Variants in PPP4R2 observed in about 807,000 individuals in gnomAD.
The protein encoded by PPP4R2 is protein phosphatase 4 regulatory subunit 2.
A neutral mutation model predicts 47.2 loss-of-function variants in PPP4R2; 13 were observed. The observed-to-expected ratio is 0.28, with a 90% CI of 0.18 to 0.44. The LOEUF (loss-of-function observed/expected upper bound fraction) is 0.44. Among genes scored for constraint, PPP4R2 ranks in the 20% least tolerant of loss-of-function variants. PPP4R2 has a pLI of 1.00. For missense variants in PPP4R2, 421 were observed against 491.2 expected (o/e 0.86, Z 1.35); for synonymous variants, 151 against 163.3 (o/e 0.92, Z 0.57).
Position 73,014,368 on chromosome 3 carries a change from C to T in PPP4R2, c.116+16210C>T, listed in dbSNP as rs560784765. On this transcript the variant is annotated intron_variant, in intron 2 of 8. Transcript: ENST00000356692. ...TGGCATGATCATAGCTTACTGCAACCTCAAACTCCTAGGCTCAAGTGATTT... is the reference window on the plus strand; with the variant it reads ...TGGCATGATCATAGCTTACTGCAACTTCAAACTCCTAGGCTCAAGTGATTT... 7.2e-5 allele frequency among the ~76,000 whole-genome samples: 5 copies of T among 69,858 alleles called. 1 individual carries two copies. In the East Asian group the frequency reaches 1.1e-3, roughly 16 times the overall value. The allele number at this position is 69,858 out of a possible 152,430, so 45.8% of individuals were successfully genotyped here.
chr3:73,053,798 AC>A (rs1335804771), intron 3 of PPP4R2, among the ~76,000 whole-genome samples: 1 of 149,870 alleles, frequency 6.7e-6, no homozygotes, highest in Non-Finnish European at 1.5e-5. Flanking sequence ...AGTCCCAGCT[AC>A]TCGGGAGGCT....
At chr3:73,004,672 C>T (rs555210298) in intron 2 of PPP4R2, among the ~76,000 whole-genome samples, 2 of 151,954 alleles carry the variant, frequency 1.3e-5, no homozygotes, top group Admixed American at 6.6e-5. Flanking sequence ...CTTGAACTCC[C>T]GAGCTTAAGT....
intron 5 of PPP4R2, chr3:73,061,758 C>T (rs944168962): frequency 3.9e-5 from 10 of 255,922 alleles, no homozygotes; most frequent in Non-Finnish European, 6.7e-5. Flanking sequence ...GGCTGGAGTG[C>T]GGTGATGAGT....
chr3:73,043,587 A>G lies in PPP4R2; in HGVS notation c.117-3599A>G, dbSNP rs74618725. Among the ~76,000 whole-genome samples the G allele has an allele frequency of 8.6e-3, 1,311 of 152,302 alleles. 9 individuals carry two copies. The highest frequency in any genetic ancestry group is 0.03 in the African/African-American group (1,260 of 41,560). On this transcript the variant is annotated intron_variant, in intron 2 of 8. Transcript: ENST00000356692. ...TGTATGACATTACCAGTTTCCCCAC[A>G]TCAACCCAGCACTCGTTCATTATTC...
intron 2 of PPP4R2, among the ~76,000 whole-genome samples, chr3:73,030,633 C>A (rs1559556358): frequency 6.7e-6 from 1 of 148,952 alleles, no homozygotes; most frequent in African/African-American, 2.5e-5. Flanking sequence ...TTTTTAATTA[C>A]AGTGAAGCCA....
At chr3:73,007,111 C>T (rs1701625102) in intron 2 of PPP4R2, among the ~76,000 whole-genome samples, 1 of 152,202 alleles carries the variant, frequency 6.6e-6, no homozygotes, top group Non-Finnish European at 1.5e-5. Flanking sequence ...TTTTACATCC[C>T]TGTTAAGTCA....
At chr3:73,063,017 G>GA (rs759475324) in intron 5 of PPP4R2, 141 of 961,156 alleles carry the variant, frequency 1.5e-4, no homozygotes, top group Admixed American at 2.2e-4. Flanking sequence ...TCTTTGAGGA[G>GA]AAAAAAAACA....
intron 2 of PPP4R2, among the ~76,000 whole-genome samples, chr3:73,040,464 A>G (rs1296160107): frequency 6.6e-6 from 1 of 150,928 alleles, no homozygotes; most frequent in East Asian, 2.0e-4. Context: ...TAACTACATA[A>G]TTATTTTTAA....
chr3:73,031,373 C>G (rs1478560090), intron 2 of PPP4R2, among the ~76,000 whole-genome samples: 2 of 152,150 alleles, frequency 1.3e-5, no homozygotes, highest in South Asian at 4.2e-4. Flanking sequence ...AACCCTGTCT[C>G]TGCTAATAAT....
chr3:73,062,563 G>T lies in PPP4R2; in HGVS notation c.420-1110G>T, dbSNP rs1338748206. The T allele has an allele frequency of 2.5e-6, 4 of 1,613,848 alleles. No individual in the cohort carries two copies. The East Asian group carries it at 6.7e-5, about 27-fold the overall frequency. On this transcript the variant is annotated intron_variant, in intron 5 of 8. Transcript: ENST00000356692. Reference sequence around the variant, plus strand: ...GTTGGGAATGAGAACGAGGAAAGGGGTACTCCTTATGCTAGCAGATTCAAA... The same window carrying T: ...GTTGGGAATGAGAACGAGGAAAGGGTTACTCCTTATGCTAGCAGATTCAAA...
rs10574001 is a variant in PPP4R2 at position 73,004,867 on chromosome 3, GTGTTTGTTTGTT to G, written c.116+6717_116+6728del. ...GGGGTGTGTGTGTGTGTGTGTGTGTGTGTTTGTTTGTTTGTTTGTGTGTGTGTGTTTTGAGTC... is the reference window on the plus strand; with the variant it reads ...GGGGTGTGTGTGTGTGTGTGTGTGTGTGTTTGTGTGTGTGTGTTTTGAGTC... On this transcript the variant is annotated intron_variant, in intron 2 of 8. Coordinates refer to ENST00000356692, the MANE Select transcript of PPP4R2 (RefSeq NM_174907.4). Among the ~76,000 whole-genome samples the G allele has an allele frequency of 7.1e-3, 559 of 78,576 alleles. 7 individuals carry two copies. Among genetic ancestry groups the G allele is most frequent in the African/African-American group, 0.024 (537 of 21,984 alleles). The allele number at this position is 78,576 out of a possible 152,430, so 51.5% of individuals were successfully genotyped here.
intron 2 of PPP4R2, among the ~76,000 whole-genome samples, chr3:73,026,289 A>AT (rs1160614834): frequency 6.6e-6 from 1 of 152,104 alleles, no homozygotes; most frequent in Non-Finnish European, 1.5e-5. Context: ...CTTTGTACAT[A>AT]TTGTTCCCTT....
chr3:73,053,097 T>C (rs1008250277), intron 3 of PPP4R2, among the ~76,000 whole-genome samples: 14 of 152,244 alleles, frequency 9.2e-5, no homozygotes, highest in African/African-American at 3.4e-4. Context: ...TGATTCACTT[T>C]ATTGCTTCCT....
At chr3:73,011,330 A>G (rs144437853) in intron 2 of PPP4R2, among the ~76,000 whole-genome samples, 1 of 152,254 alleles carries the variant, frequency 6.6e-6, no homozygotes, top group Non-Finnish European at 1.5e-5. Flanking sequence ...AAATAGAAAA[A>G]ATTAGCTGGG....
chr3:73,019,781 C>T (rs1701922237), intron 2 of PPP4R2, among the ~76,000 whole-genome samples: 1 of 152,114 alleles, frequency 6.6e-6, no homozygotes, highest in Non-Finnish European at 1.5e-5. Context: ...TATACTTGCT[C>T]TCTCTCTTCT....
At chr3:73,052,146 T>C (rs1391392770) in intron 3 of PPP4R2, among the ~76,000 whole-genome samples, 1 of 151,658 alleles carries the variant, frequency 6.6e-6, no homozygotes, top group Non-Finnish European at 1.5e-5. Flanking sequence ...GAATATTGAA[T>C]AACTGGGGAC....
At chr3:73,062,174 T>C in intron 5 of PPP4R2, 1 of 1,554,142 alleles carries the variant, frequency 6.4e-7, no homozygotes, top group Non-Finnish European at 8.7e-7. Context: ...CTTTTAGACC[T>C]ATGATTCTTA....
At position 73,068,117 on chromosome 3, in the gene PPP4R2, T is replaced by C. The variant is rs1703037872; in HGVS notation, c.*2395T>C. The C allele has an allele frequency of 6.6e-6, 1 of 152,176 alleles. No individual in the cohort carries two copies. Among genetic ancestry groups the C allele is most frequent in the South Asian group, 2.1e-4 (1 of 4,830 alleles). The allele number at this position is 152,176 out of a possible 1,614,324, so 9.4% of individuals were successfully genotyped here. On this transcript the variant is annotated 3_prime_UTR_variant, in exon 9 of 9. Transcript: ENST00000356692. The stretch of plus-strand genomic sequence containing the variant: ...GTAAATTTCCGCAGGTATTCATAGG[T>C]GCACTTAACACAGACTTTGCTTAAT...
intron 2 of PPP4R2, among the ~76,000 whole-genome samples, chr3:73,026,865 G>C (rs547925348): frequency 6.6e-6 from 1 of 152,252 alleles, no homozygotes; most frequent in South Asian, 2.1e-4. Context: ...TGTAATTAGA[G>C]TATGGATTCT....
Sources: allele counts gnomAD v4.1 joint callset (sites outside exome capture counted in the v4.1 genomes callset), GRCh38; gene constraint gnomAD v4.1.1; transcripts MANE v1.5; gene names NCBI Gene and HGNC (gene_info 2026-07-23, HGNC 2026-07-21).